The following WDR1 variants were observed in gnomAD, a reference collection of about 807,000 sequenced individuals.
WDR1 encodes the protein WD repeat-containing protein 1.
Under a neutral mutation model 71.9 loss-of-function variants are expected in WDR1, and 21 were observed. That is an observed-to-expected ratio of 0.29 (90% CI 0.21 to 0.42). WDR1 has a LOEUF of 0.42. Among genes scored for constraint, WDR1 ranks in the 10% least tolerant of loss-of-function variants. WDR1 has a pLI of 1.00. For synonymous variants in WDR1, 424 were observed against 347.4 expected, an observed-to-expected ratio of 1.22 and a Z score of -2.45; for missense variants, 696 against 824.5, an observed-to-expected ratio of 0.84 and a Z score of 1.91.
At chr4:10,106,900 G>A (rs1419215881) in intron 2 of WDR1, among the ~76,000 whole-genome samples, 1 of 152,146 alleles carries the variant, frequency 6.6e-6, no homozygotes, top group Admixed American at 6.5e-5. Flanking sequence ...GTGTCACTCG[G>A]CCTGTGAGGC....
intron 5 of WDR1, among the ~76,000 whole-genome samples, chr4:10,093,946 G>A (rs1712169319): frequency 6.6e-6 from 1 of 152,232 alleles, no homozygotes; most frequent in Non-Finnish European, 1.5e-5. Context: ...TATCAGGAAG[G>A]CAGCACTTCC....
intron 11 of WDR1, among the ~76,000 whole-genome samples, chr4:10,080,798 T>C (rs1246499803): frequency 2.0e-5 from 3 of 152,138 alleles, no homozygotes; most frequent in Non-Finnish European, 4.4e-5. Context: ...GGCCGGGAAG[T>C]CAGGTGCCAC....
At position 10,078,042 on chromosome 4, in the gene WDR1, CT is replaced by C. The variant is rs551583408; in HGVS notation, c.1396-117del. 538 of 1,275,682 alleles carry C rather than the reference CT, an allele frequency of 4.2e-4. 2 individuals are homozygous for C. In the African/African-American group the frequency reaches 7.5e-3, roughly 18 times the overall value. The allele number at this position is 1,275,682 out of a possible 1,614,324, so 79.0% of individuals were successfully genotyped here. A position where few individuals can be genotyped will look rare whatever the true frequency, so the allele number is the denominator to read the frequency against. ...TGTGCCGTTCCCACTGACTGCTGCT[CT>C]GCTGGGCCCATGCCAGGAGCTGGGC... On this transcript the variant is annotated intron_variant, in intron 12 of 14. Coordinates refer to ENST00000499869, the MANE Select transcript of WDR1 (RefSeq NM_017491.5).
chr4:10,106,197 T>G lies in WDR1; in HGVS notation c.139-2211A>C, dbSNP rs574007940. Among the ~76,000 whole-genome samples the G allele has an allele frequency of 5.2e-4, 79 of 152,322 alleles. 1 individual carries two copies. Among genetic ancestry groups the G allele is most frequent in the African/African-American group, 1.9e-3 (79 of 41,552 alleles). On this transcript the variant is annotated intron_variant, in intron 2 of 14. Coordinates refer to ENST00000499869, the MANE Select transcript of WDR1 (RefSeq NM_017491.5). The stretch of plus-strand genomic sequence containing the variant: ...TGCTTATGGGACTATATAGGTCATC[T>G]GTCAAGATCCAAGCCACACACTGAA...
At chr4:10,078,268 G>A (rs1321261622) in intron 12 of WDR1, among the ~76,000 whole-genome samples, 1 of 152,170 alleles carries the variant, frequency 6.6e-6, no homozygotes, top group East Asian at 1.9e-4. Context: ...GCACTGCCAC[G>A]CCTGCTGCAG....
intron 1 of WDR1, 107 bp downstream of exon 1, chr4:10,116,544 T>G (rs908488610): frequency 1.0e-5 from 9 of 886,468 alleles, no homozygotes; most frequent in Non-Finnish European, 1.1e-5. Flanking sequence ...CCCGCACCCC[T>G]CCCCCGCGCC....
At chr4:10,082,997 C>T (rs754475658) in intron 10 of WDR1, 25 bp downstream of exon 10, 1 of 1,591,188 alleles carries the variant, frequency 6.3e-7, no homozygotes, top group South Asian at 1.1e-5. Context: ...TCATCCGGAA[C>T]CCCCGCAGAC....
intron 2 of WDR1, among the ~76,000 whole-genome samples, chr4:10,114,414 C>T (rs1187867287): frequency 6.6e-6 from 1 of 152,184 alleles, no homozygotes; most frequent in African/African-American, 2.4e-5. Context: ...AAGTCTGACT[C>T]CTCTTTAGAG....
At chr4:10,077,275 C>T in intron 14 of WDR1, 29 bp downstream of exon 14, 1 of 1,612,874 alleles carries the variant, frequency 6.2e-7, no homozygotes, top group Middle Eastern at 1.8e-4. Flanking sequence ...CATGGGTGGT[C>T]CCTGCCAAGG....
intron 2 of WDR1, among the ~76,000 whole-genome samples, chr4:10,112,300 G>A (rs1713431082): frequency 6.6e-6 from 1 of 152,112 alleles, no homozygotes; most frequent in Non-Finnish European, 1.5e-5. Flanking sequence ...GCACCTGCAG[G>A]AAGCCTTCCT....
chr4:10,080,346 C>T (rs1174153882), intron 11 of WDR1, among the ~76,000 whole-genome samples: 1 of 139,776 alleles, frequency 7.2e-6, no homozygotes, highest in Admixed American at 7.4e-5. Context: ...CCCTGCTGTG[C>T]AGAGATAGGC....
rs554697078 is a variant in WDR1 at position 10,075,609 on chromosome 4, C to T, written c.1715-125G>A. On this transcript the variant is annotated intron_variant, in intron 14 of 14. Coordinates refer to ENST00000499869, the MANE Select transcript of WDR1 (RefSeq NM_017491.5). ...CAGGGCCAAGAAAATGGCCACGAAT[C>T]GTTGTAACTCAGGAGCCTGGCACGG... 285 of 852,722 alleles carry T rather than the reference C, an allele frequency of 3.3e-4. No homozygotes were observed. The Middle Eastern group carries it at 9.3e-3, about 28-fold the overall frequency. 52.8% of individuals were successfully genotyped at this position (852,722 alleles called of 1,614,324 possible). A position where few individuals can be genotyped will look rare whatever the true frequency, so the allele number is the denominator to read the frequency against.
intron 2 of WDR1, among the ~76,000 whole-genome samples, chr4:10,110,448 A>C (rs1193224402): frequency 6.6e-6 from 1 of 152,218 alleles, no homozygotes; most frequent in Non-Finnish European, 1.5e-5. Flanking sequence ...TACCTCCAAC[A>C]GGGCAAGAAA....
intron 4 of WDR1, among the ~76,000 whole-genome samples, chr4:10,098,462 ACT>A (rs1712489383): frequency 6.6e-6 from 1 of 151,780 alleles, no homozygotes; most frequent in Admixed American, 6.6e-5. Flanking sequence ...GGGGACTCTG[ACT>A]CTCTTGAATT....
rs41268385 is a variant in WDR1, at chr4:10,075,548, C to G, written c.1715-64G>C. The G allele has an allele frequency of 0.02, 29,442 of 1,469,048 alleles. 437 individuals are homozygous for G. Among genetic ancestry groups the G allele is most frequent in the South Asian group, 0.053 (4,456 of 84,478 alleles). The allele number at this position is 1,469,048 out of a possible 1,614,324, so 91.0% of individuals were successfully genotyped here. ...TCTCTGCAACTATGTACATCTTGGA[C>G]TAGGAAGATGGAACAACCTGTGCCT... On this transcript the variant is annotated intron_variant, in intron 14 of 14. Transcript: ENST00000499869.
chr4:10,077,293 G>GC lies in WDR1; in HGVS notation c.1714+10dup, dbSNP rs752261693. On this transcript the variant is annotated intron_variant, in intron 14 of 14. Transcript: ENST00000499869. Reference sequence around the variant, plus strand: ...GGGTGGTCCCTGCCAAGGCCTGGGGGCGGAAGTCACCTTGGATCTTGACTC... The same window carrying GC: ...GGGTGGTCCCTGCCAAGGCCTGGGGGCCGGAAGTCACCTTGGATCTTGACTC... 1.2e-6 allele frequency: 2 copies of GC among 1,613,742 alleles called. No homozygotes were observed. Among genetic ancestry groups the GC allele is most frequent in the Middle Eastern group, 3.4e-4 (2 of 5,892 alleles).
At chr4:10,113,666 G>T (rs12509674) in intron 2 of WDR1, among the ~76,000 whole-genome samples, 61,194 of 152,074 alleles carry the variant, frequency 0.4, 12,693 homozygotes, top group South Asian at 0.52. Context: ...GGGGCAATAA[G>T]TCAGGTGGGG....
At position 10,113,022 on chromosome 4, in the gene WDR1, G is replaced by A. The variant is rs528299465; in HGVS notation, c.138+3091C>T. ...GGCCGGGGATGGAAAATTCTATTCC[G>A]GGGACACCCCTCTACTAAGGTGACT... On this transcript the variant is annotated intron_variant, in intron 2 of 14. Transcript: ENST00000499869. Among the ~76,000 whole-genome samples the A allele has an allele frequency of 2.2e-4, 33 of 152,268 alleles. No homozygotes were observed. The South Asian group carries it at 5.2e-3, about 24-fold the overall frequency.
chr4:10,075,752 C>T (rs1231318076), intron 14 of WDR1: 4 of 544,242 alleles, frequency 7.3e-6, no homozygotes, highest in Non-Finnish European at 1.3e-5. Flanking sequence ...ATGCCAGTGG[C>T]TCCCTCTCTC....
Sources: allele counts gnomAD v4.1 joint callset (sites outside exome capture counted in the v4.1 genomes callset), GRCh38; gene constraint gnomAD v4.1.1; transcripts MANE v1.5; gene names NCBI Gene and HGNC (gene_info 2026-07-23, HGNC 2026-07-21).